LGR5: variants seen among roughly 807,000 people sequenced by gnomAD.
LGR5 encodes leucine rich repeat containing G protein-coupled receptor 5, also known as leucine-rich repeat-containing G protein-coupled receptor 5.
A neutral mutation model predicts 76.7 loss-of-function variants in LGR5; 54 were observed. That is an observed-to-expected ratio of 0.70 (90% CI 0.57 to 0.88). The LOEUF (loss-of-function observed/expected upper bound fraction) is 0.88, where lower values mean the gene tolerates loss of function less well. Among genes scored for constraint, LGR5 ranks in the 40% least tolerant of loss-of-function variants. LGR5 has a pLI of 0.00. For missense variants in LGR5, 1,078 were observed against 1,073.3 expected (o/e 1.00, Z -0.06); for synonymous variants, 406 against 421.9 (o/e 0.96, Z 0.46).
rs759317042 is a variant in LGR5 at position 71,440,339 on chromosome 12, G to T, written c.212+47G>T. 6.4e-7 allele frequency: 1 copy of T among 1,574,202 alleles called. No individual in the cohort carries two copies. The highest frequency in any genetic ancestry group is 8.6e-7 in the Non-Finnish European group (1 of 1,156,182). On this transcript the variant is annotated intron_variant, in intron 1 of 17. Transcript: ENST00000266674. This position sits in a 1 kb window ranked among gnomAD's most constrained non-coding sequence, Gnocchi z 5.3. Reference sequence around the variant, plus strand: ...TCCGGGAGAGAGACTAAGAGGGGAAGGAAGGTTCGTCCAAGGCGAGGCTGG... The same window carrying T: ...TCCGGGAGAGAGACTAAGAGGGGAATGAAGGTTCGTCCAAGGCGAGGCTGG...
At chr12:71,530,013 T>A (rs1225104912) in intron 3 of LGR5, among the ~76,000 whole-genome samples, 4 of 151,874 alleles carry the variant, frequency 2.6e-5, no homozygotes, top group Non-Finnish European at 5.9e-5. Context: ...AAATGTTTCC[T>A]GAGGTAGTTG....
In LGR5 at chr12:71,477,420, C is replaced by T. The variant is rs145874837; in HGVS notation, c.213-27194C>T. Among the ~76,000 whole-genome samples, 982 of 149,954 alleles carry T rather than the reference C, an allele frequency of 6.5e-3. 7 individuals carry two copies. The highest frequency in any genetic ancestry group is 0.022 in the African/African-American group (908 of 40,894). On this transcript the variant is annotated intron_variant, in intron 1 of 17. Transcript: ENST00000266674. ...TAAGGTTTGTAGTTCTTTAAAAAAA[C>T]ATGAAAATGTATACATTTAATAATA... is the stretch of plus-strand genomic sequence containing the variant.
chr12:71,498,286 C>T (rs571906302), intron 1 of LGR5, among the ~76,000 whole-genome samples: 292 of 152,284 alleles, frequency 1.9e-3, no homozygotes, highest in Non-Finnish European at 3.5e-3. Context: ...GAGTTCTATA[C>T]CTCATGCTCT....
At chr12:71,513,705 A>G (rs1169090904) in intron 2 of LGR5, among the ~76,000 whole-genome samples, 1 of 152,240 alleles carries the variant, frequency 6.6e-6, no homozygotes, top group Non-Finnish European at 1.5e-5. Flanking sequence ...TACTATTTAT[A>G]TGTCCAAAAG....
At chr12:71,559,805 G>T in intron 7 of LGR5, 151 bp downstream of exon 7, 3 of 514,854 alleles carry the variant, frequency 5.8e-6, no homozygotes, top group Non-Finnish European at 1.0e-5. Flanking sequence ...TATTTTAATT[G>T]ATTCTATCTC....
At chr12:71,478,465 G>A (rs1034999829) in intron 1 of LGR5, among the ~76,000 whole-genome samples, 3 of 152,130 alleles carry the variant, frequency 2.0e-5, no homozygotes, top group African/African-American at 7.2e-5. Context: ...TTCTCTAATT[G>A]TTGACTCTGC....
intron 11 of LGR5, among the ~76,000 whole-genome samples, chr12:71,570,229 G>A (rs2137451929): frequency 6.6e-6 from 1 of 152,280 alleles, no homozygotes; most frequent in African/African-American, 2.4e-5. Flanking sequence ...TAGGTGATGG[G>A]CTGATAGGTG....
chr12:71,501,479 T>G (rs1440700745), intron 1 of LGR5, among the ~76,000 whole-genome samples: 1 of 152,150 alleles, frequency 6.6e-6, no homozygotes, highest in Non-Finnish European at 1.5e-5. Context: ...CAGCCAAACA[T>G]TCTCTAATTC....
chr12:71,546,625 C>T (rs1877180503), intron 4 of LGR5, among the ~76,000 whole-genome samples: 1 of 152,026 alleles, frequency 6.6e-6, no homozygotes, highest in African/African-American at 2.4e-5. Context: ...ACACTTCCTT[C>T]AGGCACTGAT....
chr12:71,462,932 A>G (rs1872735705), intron 1 of LGR5, among the ~76,000 whole-genome samples: 1 of 152,140 alleles, frequency 6.6e-6, no homozygotes, highest in Non-Finnish European at 1.5e-5. Context: ...TAGTCATATC[A>G]TATATGGATA....
At chr12:71,569,779 A>G (rs991495792) in intron 11 of LGR5, among the ~76,000 whole-genome samples, 1 of 152,248 alleles carries the variant, frequency 6.6e-6, no homozygotes, top group Non-Finnish European at 1.5e-5. Context: ...AACCAGAAAT[A>G]CCATTTGACC....
At chr12:71,506,755 G>A (rs1406634648) in intron 2 of LGR5, among the ~76,000 whole-genome samples, 1 of 152,088 alleles carries the variant, frequency 6.6e-6, no homozygotes, top group Non-Finnish European at 1.5e-5. Context: ...ATTCTGTGCT[G>A]CACCTAACTG....
At chr12:71,568,948 A>T (rs918052640) in intron 11 of LGR5, among the ~76,000 whole-genome samples, 1 of 152,200 alleles carries the variant, frequency 6.6e-6, no homozygotes, top group African/African-American at 2.4e-5. Context: ...TTCATATTGT[A>T]TGGGTAGAAT....
chr12:71,485,542 C>T (rs899276842), intron 1 of LGR5, among the ~76,000 whole-genome samples: 55 of 152,082 alleles, frequency 3.6e-4, no homozygotes, highest in African/African-American at 8.9e-4. Flanking sequence ...CATATTGAGA[C>T]GCCATCTCTG....
chr12:71,448,158 T>C (rs932313079), intron 1 of LGR5, among the ~76,000 whole-genome samples: 17 of 151,754 alleles, frequency 1.1e-4, no homozygotes, highest in African/African-American at 4.1e-4. Context: ...TTTCAAAGCC[T>C]ACACTGAGAA....
chr12:71,497,206 C>A (rs898190703), intron 1 of LGR5, among the ~76,000 whole-genome samples: 1 of 151,896 alleles, frequency 6.6e-6, no homozygotes, highest in Non-Finnish European at 1.5e-5. Context: ...TTCCAGCTAT[C>A]CGGCAGGCTG....
At chr12:71,469,590 A>T (rs1314696373) in intron 1 of LGR5, among the ~76,000 whole-genome samples, 1 of 152,244 alleles carries the variant, frequency 6.6e-6, no homozygotes, top group African/African-American at 2.4e-5. Flanking sequence ...CAAGAGGGGC[A>T]GGAGATGGGG....
chr12:71,559,862 C>A (rs904979405), intron 7 of LGR5, among the ~76,000 whole-genome samples: 3 of 151,972 alleles, frequency 2.0e-5, no homozygotes, highest in Non-Finnish European at 4.4e-5. Flanking sequence ...GTTTTTCTAA[C>A]ATATATATTA....
chr12:71,482,929 A>G (rs554656696), intron 1 of LGR5, among the ~76,000 whole-genome samples: 24 of 152,276 alleles, frequency 1.6e-4, no homozygotes, highest in African/African-American at 5.5e-4. Flanking sequence ...ACACACACAA[A>G]CAATATTTCT....
Sources: gnomAD v4.1 joint callset for allele counts (sites outside exome capture counted in the v4.1 genomes callset) on GRCh38, gnomAD v4.1.1 for gene constraint, Gnocchi (gnomAD v3.1) non-coding constraint, MANE v1.5 for transcripts, NCBI Gene and HGNC (gene_info 2026-07-23, HGNC 2026-07-21) for gene names.